The following OR9Q1 variants were observed in gnomAD, a reference collection of about 807,000 sequenced individuals.
OR9Q1 encodes olfactory receptor 9Q1.
For synonymous variants in OR9Q1, 153 were observed against 148.6 expected (o/e 1.03, Z -0.22); for missense variants, 374 against 378.8 (o/e 0.99, Z 0.11).
At chr11:58,138,103 G>C (rs934885653) in intron 2 of OR9Q1, among the ~76,000 whole-genome samples, 1 of 152,090 alleles carries the variant, frequency 6.6e-6, no homozygotes. Context: ...CGTATCACAT[G>C]CTCTCTCTGG....
chr11:58,157,888 A>G (rs893008575), intron 2 of OR9Q1, among the ~76,000 whole-genome samples: 6 of 152,242 alleles, frequency 3.9e-5, no homozygotes, highest in African/African-American at 1.4e-4. Flanking sequence ...TAAATGGCAG[A>G]TGAGACTTTC....
chr11:58,092,980 T>A (rs1250089927), intron 2 of OR9Q1, among the ~76,000 whole-genome samples: 1 of 152,206 alleles, frequency 6.6e-6, no homozygotes, highest in East Asian at 1.9e-4. Context: ...GGGTTTATTG[T>A]TTATTTTTGT....
At chr11:58,024,398 C>T (rs1234388263) in intron 1 of OR9Q1, among the ~76,000 whole-genome samples, 1 of 152,014 alleles carries the variant, frequency 6.6e-6, no homozygotes, top group Non-Finnish European at 1.5e-5. Flanking sequence ...GTTTATTTTC[C>T]AGTTCCTTTC....
In OR9Q1 at chr11:58,118,372, G is replaced by A. The variant is rs1314090740; in HGVS notation, c.-14-61059G>A. Reference sequence around the variant, plus strand: ...TCACCACAATTGTAGTTTTTCCTGTGTGCCTGGTGGTACCTATCTTCTGTC... The same window carrying A: ...TCACCACAATTGTAGTTTTTCCTGTATGCCTGGTGGTACCTATCTTCTGTC... On this transcript the variant is annotated intron_variant, in intron 2 of 2. Transcript: ENST00000335397. 6.1e-6 allele frequency: 4 copies of A among 650,694 alleles called. No homozygotes were observed. The East Asian group carries it at 1.0e-4, about 17-fold the overall frequency. The allele number at this position is 650,694 out of a possible 1,614,324, so 40.3% of individuals were successfully genotyped here.
intron 2 of OR9Q1, among the ~76,000 whole-genome samples, chr11:58,063,730 A>G (rs1853402085): frequency 6.6e-6 from 1 of 152,218 alleles, no homozygotes; most frequent in Non-Finnish European, 1.5e-5. Context: ...TTTAAAGGTC[A>G]CAATCAGGCA....
intron 2 of OR9Q1, among the ~76,000 whole-genome samples, chr11:58,071,531 C>G (rs1199697054): frequency 6.6e-6 from 1 of 151,826 alleles, no homozygotes; most frequent in Non-Finnish European, 1.5e-5. Context: ...TGTGTTTCTC[C>G]TAGGGGAAAG....
chr11:58,103,600 A>G (rs1853811532), intron 2 of OR9Q1, among the ~76,000 whole-genome samples: 1 of 152,068 alleles, frequency 6.6e-6, no homozygotes, highest in Non-Finnish European at 1.5e-5. Context: ...TCATTTTTTG[A>G]GATCTGCTAA....
Position 58,181,346 on chromosome 11 carries a change from C to T in OR9Q1, c.*969C>T, listed in dbSNP as rs979173840. The T allele has an allele frequency of 4.8e-5, 8 of 166,946 alleles. No individual in the cohort carries two copies. Among genetic ancestry groups the T allele is most frequent in the Non-Finnish European group, 2.9e-5 (2 of 68,126 alleles). The allele number at this position is 166,946 out of a possible 1,614,324, so 10.3% of individuals were successfully genotyped here. The stretch of plus-strand genomic sequence containing the variant: ...TGGCGATAGGCAGGAGGGTGGTCCT[C>T]GCCTATCCTGGGTCCCTGCACTCTG... On this transcript the variant is annotated 3_prime_UTR_variant, in exon 3 of 3. Coordinates refer to ENST00000335397, the MANE Select transcript of OR9Q1 (RefSeq NM_001005212.4).
At chr11:58,039,687 T>C (rs1042592424) in intron 1 of OR9Q1, among the ~76,000 whole-genome samples, 4 of 152,210 alleles carry the variant, frequency 2.6e-5, no homozygotes, top group Non-Finnish European at 5.9e-5. Flanking sequence ...GGTTATTTAC[T>C]TATAAAACAG....
At chr11:58,092,696 T>C (rs1853696083) in intron 2 of OR9Q1, among the ~76,000 whole-genome samples, 1 of 152,216 alleles carries the variant, frequency 6.6e-6, no homozygotes, top group African/African-American at 2.4e-5. Flanking sequence ...TGCTTTCCAG[T>C]TTGCAAGATC....
At chr11:58,037,866 CT>C (rs1853123206) in intron 1 of OR9Q1, among the ~76,000 whole-genome samples, 1 of 144,086 alleles carries the variant, frequency 6.9e-6, no homozygotes, top group Non-Finnish European at 1.5e-5. Context: ...CTACAGGTGG[CT>C]GCCACCACGC....
chr11:58,065,988 C>T (rs1019809075), intron 2 of OR9Q1, among the ~76,000 whole-genome samples: 3 of 152,274 alleles, frequency 2.0e-5, no homozygotes, highest in East Asian at 1.9e-4. Context: ...AGGGAACTCA[C>T]GGAGAGGGGC....
chr11:58,128,414 T>C (rs1021349735), intron 2 of OR9Q1, among the ~76,000 whole-genome samples: 1 of 152,002 alleles, frequency 6.6e-6, no homozygotes, highest in South Asian at 2.1e-4. Flanking sequence ...AATCCAAGTA[T>C]CCACGAGGAA....
intron 1 of OR9Q1, among the ~76,000 whole-genome samples, chr11:58,038,988 T>A (rs770111010): frequency 6.6e-6 from 1 of 151,964 alleles, no homozygotes; most frequent in Non-Finnish European, 1.5e-5. Flanking sequence ...TTTTAAATTA[T>A]TTATTTATTT....
At chr11:58,085,805 G>A (rs1304685791) in intron 2 of OR9Q1, among the ~76,000 whole-genome samples, 2 of 151,738 alleles carry the variant, frequency 1.3e-5, no homozygotes, top group Non-Finnish European at 2.9e-5. Flanking sequence ...ACATCAGTAA[G>A]ATGGAAGAAT....
chr11:58,100,412 C>A (rs925437779), intron 2 of OR9Q1, among the ~76,000 whole-genome samples: 1 of 152,018 alleles, frequency 6.6e-6, no homozygotes, highest in Non-Finnish European at 1.5e-5. Flanking sequence ...TCCCTTTGTC[C>A]TTTGTGCTAT....
chr11:58,174,356 C>A (rs1854584656), intron 2 of OR9Q1, among the ~76,000 whole-genome samples: 1 of 152,036 alleles, frequency 6.6e-6, no homozygotes, highest in Non-Finnish European at 1.5e-5. Flanking sequence ...GTTAGCCGAG[C>A]CCAAGCCCAG....
intron 2 of OR9Q1, among the ~76,000 whole-genome samples, chr11:58,171,879 C>A (rs1035752295): frequency 1.3e-5 from 2 of 152,138 alleles, no homozygotes; most frequent in Non-Finnish European, 2.9e-5. Context: ...CCATAAAGTC[C>A]AGCTCTAGGG....
At chr11:58,156,574 T>C (rs1470653624) in intron 2 of OR9Q1, among the ~76,000 whole-genome samples, 2 of 152,228 alleles carry the variant, frequency 1.3e-5, no homozygotes, top group Admixed American at 6.5e-5. Context: ...ACATCTTGTA[T>C]GACTGTAATT....
Sources: gnomAD v4.1 joint callset for allele counts (sites outside exome capture counted in the v4.1 genomes callset) on GRCh38, gnomAD v4.1.1 for gene constraint, MANE v1.5 for transcripts, NCBI Gene and HGNC (gene_info 2026-07-23, HGNC 2026-07-21) for gene names.